SMG7: variants seen among roughly 807,000 people sequenced by gnomAD.
SMG7 encodes the protein SMG7 nonsense mediated mRNA decay factor, also known as nonsense-mediated mRNA decay factor SMG7.
In SMG7, 34 loss-of-function variants were observed where a neutral mutation model predicts 148.2. The ratio of observed to expected loss-of-function variants is 0.23; its 90% confidence interval spans 0.17 to 0.31. SMG7 has a LOEUF of 0.31. SMG7 is among the 10% of genes least tolerant of loss of function. The pLI, the probability that SMG7 is intolerant of heterozygous loss-of-function variation, is 1.00. For missense variants in SMG7, 1,114 were observed against 1,408.4 expected, an observed-to-expected ratio of 0.79 and a Z score of 3.35; for synonymous variants, 492 against 515.1, an observed-to-expected ratio of 0.96 and a Z score of 0.61.
At chr1:183,498,735 A>G (rs1280795610) in intron 1 of SMG7, among the ~76,000 whole-genome samples, 3 of 152,102 alleles carry the variant, frequency 2.0e-5, no homozygotes, top group African/African-American at 7.2e-5. Flanking sequence ...ATTTGTTATA[A>G]CTCGTGAACT....
intron 1 of SMG7, among the ~76,000 whole-genome samples, chr1:183,477,656 A>C (rs983654887): frequency 4.4e-5 from 6 of 135,292 alleles, no homozygotes; most frequent in Admixed American, 1.6e-4. Context: ...ACGTGTGTGC[A>C]TATGTGTATA....
intron 1 of SMG7, among the ~76,000 whole-genome samples, chr1:183,507,080 T>C (rs1661099785): frequency 6.6e-6 from 1 of 152,034 alleles, no homozygotes; most frequent in Non-Finnish European, 1.5e-5. Flanking sequence ...GGCTTCGCTA[T>C]GTTGGCTAGG....
chr1:183,538,783 T>C (rs1275366051), intron 12 of SMG7, among the ~76,000 whole-genome samples: 1 of 152,126 alleles, frequency 6.6e-6, no homozygotes, highest in Non-Finnish European at 1.5e-5. Context: ...ATCTTTAGCC[T>C]AGTAACATTT....
At chr1:183,541,957 A>G in intron 13 of SMG7, 119 bp from the exon 14 acceptor site, 1 of 814,440 alleles carries the variant, frequency 1.2e-6, no homozygotes, top group East Asian at 2.7e-5. Context: ...ACATTGTTAT[A>G]TCCTGCTGTT....
chr1:183,485,969 A>G (rs1033417127), intron 1 of SMG7, among the ~76,000 whole-genome samples: 1 of 152,206 alleles, frequency 6.6e-6, no homozygotes, highest in Non-Finnish European at 1.5e-5. Flanking sequence ...TAACTAGGAA[A>G]AGGGACAGCT....
At chr1:183,511,181 T>C (rs1247805398) in intron 1 of SMG7, among the ~76,000 whole-genome samples, 1 of 152,156 alleles carries the variant, frequency 6.6e-6, no homozygotes, top group Non-Finnish European at 1.5e-5. Context: ...ACCTACCTTC[T>C]TAAATAGAGT....
chr1:183,540,905 G>A, intron 12 of SMG7, 79 bp from the exon 13 acceptor site: 1 of 1,394,500 alleles, frequency 7.2e-7, no homozygotes, highest in South Asian at 1.2e-5. Flanking sequence ...AGCCATTACA[G>A]TTAATCAGGT....
chr1:183,546,288 C>G lies in SMG7; in HGVS notation c.2693C>G (p.Pro898Arg). 2 of 1,613,998 alleles carry G rather than the reference C, an allele frequency of 1.2e-6. No individual in the cohort carries two copies. Among genetic ancestry groups the G allele is most frequent in the Non-Finnish European group, 1.7e-6 (2 of 1,179,944 alleles). The change falls in exon 17 of 23, where the codon CCA becomes CGA. Residue 898 changes from proline to arginine, a missense_variant. This residue lies in a region of SMG7 where 788 missense variants were observed against 894.5 expected (regional missense o/e 0.88). Coordinates refer to ENST00000688051, the MANE Select transcript of SMG7 (RefSeq NM_001375584.1). ...ANIDRRGKRS[P>R]GVFRPEQDPV... ...ATAGACCGCAGGGGCAAACGGTCAC[C>G]AGGAGTCTTCCGTCCAGAGCAGGAT...
In SMG7 at chr1:183,533,237, A is replaced by G. The variant is rs1202386482; in HGVS notation, c.917A>G (p.His306Arg). The change falls in exon 9 of 23, where the codon CAT becomes CGT. Residue 306 changes from histidine (H) to arginine (R), a missense_variant. His to Arg is a conservative substitution (Grantham distance 29). This residue lies in a region of SMG7 where 8 missense variants were observed against 37.6 expected (regional missense o/e 0.21). Coordinates refer to ENST00000688051, the MANE Select transcript of SMG7 (RefSeq NM_001375584.1). Reference sequence around the variant, plus strand: ...ACTGTCATTAACCTGTTTCAACTTCATCACCTTCGTGACTTTAGCAATGAA... The same window carrying G: ...ACTGTCATTAACCTGTTTCAACTTCGTCACCTTCGTGACTTTAGCAATGAA... ...HVTVINLFQLHHLRDFSNETE... is the reference protein window; with the variant it reads ...HVTVINLFQLRHLRDFSNETE... 6.2e-7 allele frequency: 1 copy of G among 1,613,876 alleles called. No individual in the cohort carries two copies. The highest frequency in any genetic ancestry group is 1.3e-5 in the African/African-American group (1 of 74,910).
At chr1:183,479,260 A>G (rs1653458575) in intron 1 of SMG7, among the ~76,000 whole-genome samples, 1 of 152,030 alleles carries the variant, frequency 6.6e-6, no homozygotes, top group Admixed American at 6.6e-5. Flanking sequence ...GGATTTCTCA[A>G]CCTTGGCACT....
intron 1 of SMG7, among the ~76,000 whole-genome samples, chr1:183,481,301 A>G (rs1654046667): frequency 6.6e-6 from 1 of 152,274 alleles, no homozygotes; most frequent in East Asian, 1.9e-4. Context: ...GAAGTGCCAC[A>G]CTGTACTAGC....
At chr1:183,530,689 G>C (rs967769371) in intron 8 of SMG7, among the ~76,000 whole-genome samples, 1 of 152,068 alleles carries the variant, frequency 6.6e-6, no homozygotes, top group Non-Finnish European at 1.5e-5. Context: ...ATCTATAGGG[G>C]GCTGACCGTG....
intron 1 of SMG7, chr1:183,502,423 G>A: frequency 6.7e-7 from 1 of 1,497,920 alleles, no homozygotes; most frequent in Non-Finnish European, 8.9e-7. Flanking sequence ...ATTTCTACAT[G>A]TTTTTATTCC....
rs1671273285 is a variant in SMG7 at position 183,552,866 on chromosome 1, C to T, written c.*935C>T. 25 of 1,436,054 alleles carry T rather than the reference C, an allele frequency of 1.7e-5. No homozygotes were observed. The highest frequency in any genetic ancestry group is 2.2e-5 in the Non-Finnish European group (24 of 1,099,496). The allele number at this position is 1,436,054 out of a possible 1,614,324, so 89.0% of individuals were successfully genotyped here. On this transcript the variant is annotated 3_prime_UTR_variant, in exon 23 of 23. Transcript: ENST00000688051. ...TTTTTTCTTTGGTTGGTTTTTGTGC[C>T]CCCATTCTACTTCCCACCCTCCTGC...
chr1:183,487,543 G>A (rs1017098145), intron 1 of SMG7, among the ~76,000 whole-genome samples: 2 of 152,182 alleles, frequency 1.3e-5, no homozygotes, highest in Non-Finnish European at 2.9e-5. Flanking sequence ...ATACAGCCTG[G>A]AACAGTGCCT....
At chr1:183,472,684 G>A (rs1179658208) in intron 1 of SMG7, 35 bp downstream of exon 1, 3 of 1,457,032 alleles carry the variant, frequency 2.1e-6, no homozygotes, top group South Asian at 2.7e-5. Flanking sequence ...CGTAGGGGGA[G>A]CGGGCCGCAG....
chr1:183,541,099 C>T lies in SMG7; in HGVS notation c.1411C>T (p.Pro471Ser). Residue 471 changes from proline to serine, a missense_variant, in exon 13 of 23, where the codon CCA becomes TCA. Coordinates refer to ENST00000688051, the MANE Select transcript of SMG7 (RefSeq NM_001375584.1). The stretch of plus-strand genomic sequence containing the variant: ...AGGCAAATGGATTGCTGATAATCAG[C>T]CAAGGTAAGTCTGGAACTTCTGGTC... ...SIGKWIADNQ[P>S]RLIQCENEVG... is the part of the protein sequence containing the mutation. 6.2e-7 allele frequency: 1 copy of T among 1,613,008 alleles called. No individual in the cohort carries two copies. Among genetic ancestry groups the T allele is most frequent in the Non-Finnish European group, 8.5e-7 (1 of 1,179,222 alleles).
At chr1:183,547,603 T>C (rs1301802877) in intron 18 of SMG7, among the ~76,000 whole-genome samples, 1 of 152,198 alleles carries the variant, frequency 6.6e-6, no homozygotes, top group Non-Finnish European at 1.5e-5. Flanking sequence ...TTAATCTTGC[T>C]TAGGAACAGT....
intron 1 of SMG7, among the ~76,000 whole-genome samples, chr1:183,497,739 T>C (rs930113700): frequency 6.6e-6 from 1 of 151,902 alleles, no homozygotes; most frequent in Non-Finnish European, 1.5e-5. Flanking sequence ...CCGGCTAATT[T>C]TTGTCTTTTT....
Sources: gnomAD v4.1 joint callset for allele counts (sites outside exome capture counted in the v4.1 genomes callset) on GRCh38, gnomAD v4.1.1 for gene constraint, gnomAD v4.1.1 regional missense constraint, MANE v1.5 for transcripts, NCBI Gene and HGNC (gene_info 2026-07-23, HGNC 2026-07-21) for gene names.